The following VPS13D variants were observed in gnomAD, a reference collection of about 807,000 sequenced individuals.
VPS13D encodes the protein intermembrane lipid transfer protein VPS13D.
Under a neutral mutation model 461.9 loss-of-function variants are expected in VPS13D, and 187 were observed. The observed-to-expected ratio is 0.40, with a 90% CI of 0.36 to 0.46. The LOEUF is 0.46. VPS13D is among the 20% of genes least tolerant of loss of function. The pLI is 0.60. For missense variants in VPS13D, 4,711 were observed against 5,364.9 expected, an observed-to-expected ratio of 0.88 and a Z score of 3.81; for synonymous variants, 1,951 against 1,986.3, an observed-to-expected ratio of 0.98 and a Z score of 0.47.
Position 12,482,014 on chromosome 1 carries a change from C to T in VPS13D, c.12663-15486C>T, listed in dbSNP as rs564210973. Among the ~76,000 whole-genome samples, 41 of 152,332 alleles carry T rather than the reference C, an allele frequency of 2.7e-4. 3 individuals carry two copies. The South Asian group carries it at 8.3e-3, about 31-fold the overall frequency. On this transcript the variant is annotated intron_variant, in intron 67 of 69. Transcript: ENST00000620676. ...TTCCTCGGTTAGAGGCATGCTGCTC[C>T]AAGCTGGCTGGTTACTGCAAGCAAG...
At chr1:12,486,921 A>G (rs1484376496) in intron 67 of VPS13D, among the ~76,000 whole-genome samples, 1 of 152,108 alleles carries the variant, frequency 6.6e-6, no homozygotes, top group Non-Finnish European at 1.5e-5. Flanking sequence ...TAGAAGAGAC[A>G]AGAATCCCTG....
At position 12,506,890 on chromosome 1, in the gene VPS13D, C is replaced by G. The variant is rs1378100159; in HGVS notation, c.12832C>G (p.Leu4278Val). 6.2e-7 allele frequency: 1 copy of G among 1,614,276 alleles called. No homozygotes were observed. Among genetic ancestry groups the G allele is most frequent in the Admixed American group, 1.7e-5 (1 of 60,036 alleles). ...GGAGAACATTGACAGCTACTGCGTG[C>G]TCATCTCCTCCAAAGCTGTTTACTT... ...AVENIDSYCV[L>V]ISSKAVYFLK... Residue 4278 changes from leucine to valine, a missense_variant, in exon 69 of 70, where the codon CTC becomes GTC. Around this residue, in one of 3 missense-constraint regions of VPS13D, gnomAD observed 194 missense variants for 220.9 expected, o/e 0.88. Transcript: ENST00000620676.
chr1:12,446,721 G>A (rs978626564), intron 65 of VPS13D, among the ~76,000 whole-genome samples: 3 of 152,124 alleles, frequency 2.0e-5, no homozygotes, highest in Admixed American at 1.3e-4. Context: ...GGTGTTCTAC[G>A]TCCTTCAGGA....
intron 29 of VPS13D, among the ~76,000 whole-genome samples, chr1:12,312,944 TAGTC>T (rs1642795130): frequency 6.6e-6 from 1 of 152,188 alleles, no homozygotes; most frequent in African/African-American, 2.4e-5. Context: ...GTCACTTCCT[TAGTC>T]AGTGTAAATG....
In VPS13D at chr1:12,244,630, G is replaced by A; in HGVS notation, c.447+13G>A. On this transcript the variant is annotated intron_variant, in intron 5 of 69. Transcript: ENST00000620676. ...GGAGAATATTGAAGTAAGTCCTGCT[G>A]ACTTTTATAAAAGTATCAACGTGAA... 1 of 1,610,870 alleles carries A rather than the reference G, an allele frequency of 6.2e-7. No homozygotes were observed. The highest frequency in any genetic ancestry group is 8.5e-7 in the Non-Finnish European group (1 of 1,177,152).
rs758859544 is a variant in VPS13D at position 12,260,685 on chromosome 1, C to T, written c.1111-8C>T. 9 of 1,613,108 alleles carry T rather than the reference C, an allele frequency of 5.6e-6. No homozygotes were observed. The Admixed American group carries it at 8.3e-5, about 15-fold the overall frequency. ...TTTGTTTATTTGCTTTTGTTTTCACCCAAACAGGAGGAAATGTGTCGGATT... is the reference window on the plus strand; with the variant it reads ...TTTGTTTATTTGCTTTTGTTTTCACTCAAACAGGAGGAAATGTGTCGGATT... On this transcript the variant is annotated splice_region_variant and splice_polypyrimidine_tract_variant and intron_variant, in intron 10 of 69. Coordinates refer to ENST00000620676, the MANE Select transcript of VPS13D (RefSeq NM_015378.4).
At chr1:12,244,916 C>G (rs1409666014) in intron 5 of VPS13D, among the ~76,000 whole-genome samples, 1 of 152,188 alleles carries the variant, frequency 6.6e-6, no homozygotes, top group African/African-American at 2.4e-5. Context: ...CCCACTTGCT[C>G]AAGGATTTAT....
rs1163938701 is a variant in VPS13D, at chr1:12,308,649, T to C, written c.6650+8T>C. ...GGAAAGGAATTTGGACAAGTGAGTG[T>C]TTTTTTTTTTTTTTGAGATGGAGTC... On this transcript the variant is annotated splice_region_variant and intron_variant, in intron 27 of 69. Transcript: ENST00000620676. The C allele has an allele frequency of 2.4e-6, 1 of 415,514 alleles. No homozygotes were observed. The highest frequency in any genetic ancestry group is 8.2e-5 in the East Asian group (1 of 12,144). The allele number at this position is 415,514 out of a possible 1,614,324, so 25.7% of individuals were successfully genotyped here. A position where few individuals can be genotyped will look rare whatever the true frequency, so the allele number is the denominator to read the frequency against.
intron 52 of VPS13D, 152 bp downstream of exon 52, chr1:12,363,399 A>G: frequency 1.3e-6 from 1 of 785,782 alleles, no homozygotes; most frequent in South Asian, 2.0e-5. Context: ...TGAGGGGATA[A>G]TTTGATGGAA....
chr1:12,415,560 C>T (rs891917033), intron 64 of VPS13D, among the ~76,000 whole-genome samples: 11 of 148,200 alleles, frequency 7.4e-5, no homozygotes, highest in African/African-American at 2.7e-4. Flanking sequence ...GCAACTACAC[C>T]CATGTTCTTA....
At chr1:12,454,618 C>T (rs1645302538) in intron 65 of VPS13D, among the ~76,000 whole-genome samples, 1 of 152,192 alleles carries the variant, frequency 6.6e-6, no homozygotes, top group Non-Finnish European at 1.5e-5. Context: ...TCTTCTGTGC[C>T]CAGAACTCAC....
chr1:12,348,839 C>G lies in VPS13D; in HGVS notation c.9086C>G (p.Pro3029Arg), dbSNP rs1166049639. Residue 3029 changes from proline to arginine, a missense_variant, in exon 45 of 70, where the codon CCA becomes CGA. Physicochemically the swap from Pro to Arg is moderately radical, Grantham distance 103. Around this residue, in one of 3 missense-constraint regions of VPS13D, gnomAD observed 4,411 missense variants for 4,937.8 expected, o/e 0.89. Coordinates refer to ENST00000620676, the MANE Select transcript of VPS13D (RefSeq NM_015378.4). ...CTTTCACAGTTCTCTTCACTCCCAC[C>G]AGTGCGGGTGGTCTTTGCAGTGACT... ...HPQVYFSSLPPVRVVFAVTME... is the reference protein window; with the variant it reads ...HPQVYFSSLPRVRVVFAVTME... 1 of 1,613,988 alleles carries G rather than the reference C, an allele frequency of 6.2e-7. No homozygotes were observed. The highest frequency in any genetic ancestry group is 2.2e-5 in the East Asian group (1 of 44,898).
chr1:12,385,512 T>C, intron 59 of VPS13D, 139 bp downstream of exon 59: 2 of 670,654 alleles, frequency 3.0e-6, no homozygotes, highest in Admixed American at 3.3e-5. Flanking sequence ...GTTTACTGTT[T>C]ATCAGTGAAT....
intron 67 of VPS13D, among the ~76,000 whole-genome samples, chr1:12,481,213 GC>G (rs1249423456): frequency 6.6e-6 from 1 of 152,204 alleles, no homozygotes; most frequent in Non-Finnish European, 1.5e-5. Context: ...CCAGGCAGGG[GC>G]CCAGGGCCTG....
chr1:12,248,251 A>G (rs1266186575), intron 5 of VPS13D, among the ~76,000 whole-genome samples: 1 of 152,064 alleles, frequency 6.6e-6, no homozygotes, highest in African/African-American at 2.4e-5. Context: ...AGCTCTCTAT[A>G]TATTCTGAAT....
intron 63 of VPS13D, among the ~76,000 whole-genome samples, chr1:12,406,999 T>A (rs975098087): frequency 3.9e-5 from 6 of 152,214 alleles, no homozygotes; most frequent in African/African-American, 1.4e-4. Flanking sequence ...CCTAAAACTG[T>A]CTTCTCAAAG....
chr1:12,286,701 G>A (rs1641984523), intron 21 of VPS13D, among the ~76,000 whole-genome samples: 1 of 152,156 alleles, frequency 6.6e-6, no homozygotes, highest in African/African-American at 2.4e-5. Flanking sequence ...TGAGGCAGGA[G>A]GCATACAACG....
intron 35 of VPS13D, among the ~76,000 whole-genome samples, chr1:12,327,014 G>A (rs72866676): frequency 2.0e-4 from 30 of 152,110 alleles, no homozygotes; most frequent in African/African-American, 7.0e-4. Flanking sequence ...CAACTGATGT[G>A]TATCTGTAAT....
intron 35 of VPS13D, 47 bp downstream of exon 35, chr1:12,323,827 G>A (rs1360130340): frequency 6.3e-7 from 1 of 1,581,338 alleles, no homozygotes; most frequent in Non-Finnish European, 8.7e-7. Context: ...TTGATGATAT[G>A]CTTCCTTCCC....
Sources: gnomAD v4.1 joint callset for allele counts (sites outside exome capture counted in the v4.1 genomes callset) on GRCh38, gnomAD v4.1.1 for gene constraint, gnomAD v4.1.1 regional missense constraint, MANE v1.5 for transcripts, NCBI Gene and HGNC (gene_info 2026-07-23, HGNC 2026-07-21) for gene names.